Variants in ANKRD12 observed in about 807,000 individuals in gnomAD.
ANKRD12 encodes the protein ankyrin repeat domain-containing protein 12.
A neutral mutation model predicts 183.4 loss-of-function variants in ANKRD12; 85 were observed. That is an observed-to-expected ratio of 0.46 (90% CI 0.39 to 0.56). The LOEUF is 0.56. Among genes scored for constraint, ANKRD12 ranks in the 20% least tolerant of loss-of-function variants. The pLI, the probability that ANKRD12 is intolerant of heterozygous loss-of-function variation, is 0.00. For synonymous variants in ANKRD12, 914 were observed against 800.2 expected (o/e 1.14, Z -2.40); for missense variants, 2,405 against 2,357.1 (o/e 1.02, Z -0.42).
chr18:9,158,652 A>G (rs983119143), intron 1 of ANKRD12, among the ~76,000 whole-genome samples: 3 of 152,192 alleles, frequency 2.0e-5, no homozygotes, highest in Admixed American at 6.5e-5. Flanking sequence ...CTGGCTGATA[A>G]TAGTATTTGT....
At chr18:9,232,308 TC>T (rs1444954243) in intron 8 of ANKRD12, among the ~76,000 whole-genome samples, 1 of 152,240 alleles carries the variant, frequency 6.6e-6, no homozygotes, top group Non-Finnish European at 1.5e-5. Flanking sequence ...TTAAGGCAGG[TC>T]TAGTGGTGAT....
chr18:9,221,384 A>G (rs774013520), intron 7 of ANKRD12, among the ~76,000 whole-genome samples: 4 of 152,180 alleles, frequency 2.6e-5, no homozygotes, highest in African/African-American at 4.8e-5. Flanking sequence ...TTCCTGGGCT[A>G]TGGGAAATGG....
chr18:9,197,277 C>T lies in ANKRD12; in HGVS notation c.235+1579C>T, dbSNP rs144599603. 1.8e-3 allele frequency among the ~76,000 whole-genome samples: 268 copies of T among 152,048 alleles called. 1 individual carries two copies. The highest frequency in any genetic ancestry group is 3.1e-3 in the Non-Finnish European group (213 of 67,964). ...TAAAATTGGGTTATATACACTTTTC[C>T]CCCTTAGATTTTTTCTACCGTTGGA... On this transcript the variant is annotated intron_variant, in intron 3 of 12. Coordinates refer to ENST00000262126, the MANE Select transcript of ANKRD12 (RefSeq NM_015208.5).
rs1439348855 is a variant in ANKRD12, at chr18:9,255,846, T to C, written c.2579T>C (p.Leu860Pro). ...EHKSEKDKLD[L>P]SECVDKIKEK... ...AAGTCAGAAAAAGACAAATTAGATC[T>C]TAGTGAATGTGTTGATAAAATAAAA... is the stretch of plus-strand genomic sequence containing the variant. Residue 860 changes from leucine to proline, a missense_variant, in exon 9 of 13, where the codon CTT becomes CCT. Coordinates refer to ENST00000262126, the MANE Select transcript of ANKRD12 (RefSeq NM_015208.5). 4 of 1,582,156 alleles carry C rather than the reference T, an allele frequency of 2.5e-6. No homozygotes were observed. The highest frequency in any genetic ancestry group is 1.9e-5 in the Admixed American group (1 of 51,288).
At chr18:9,180,314 G>T (rs1397131751) in intron 1 of ANKRD12, among the ~76,000 whole-genome samples, 4 of 151,986 alleles carry the variant, frequency 2.6e-5, no homozygotes, top group Non-Finnish European at 5.9e-5. Context: ...ACTTCCATGG[G>T]TTCTTTTTCC....
At chr18:9,197,166 T>C (rs1271772699) in intron 3 of ANKRD12, among the ~76,000 whole-genome samples, 1 of 152,214 alleles carries the variant, frequency 6.6e-6, no homozygotes, top group East Asian at 1.9e-4. Flanking sequence ...TATTTTTCTT[T>C]TATTTAGAAT....
chr18:9,258,803 A>G lies in ANKRD12; in HGVS notation c.5536A>G (p.Ile1846Val). 4.3e-6 allele frequency: 7 copies of G among 1,613,928 alleles called. No individual in the cohort carries two copies. The highest frequency in any genetic ancestry group is 5.9e-6 in the Non-Finnish European group (7 of 1,179,844). Reference sequence around the variant, plus strand: ...TGAATACTTGCACATAAGGAAAAAAATAGAAGAAAAACGCAAATTACTGTG... The same window carrying G: ...TGAATACTTGCACATAAGGAAAAAAGTAGAAGAAAAACGCAAATTACTGTG... ...YFEYLHIRKKIEEKRKLLCSV... is the reference protein window; with the variant it reads ...YFEYLHIRKKVEEKRKLLCSV... The change falls in exon 9 of 13, where the codon ATA (isoleucine) becomes GTA (valine). Residue 1846 changes from isoleucine to valine, a missense_variant. Ile to Val is a conservative substitution (Grantham distance 29). Transcript: ENST00000262126.
At chr18:9,175,006 G>C (rs1403837401) in intron 1 of ANKRD12, among the ~76,000 whole-genome samples, 1 of 152,020 alleles carries the variant, frequency 6.6e-6, no homozygotes, top group African/African-American at 2.4e-5. Context: ...CCGGGCTGGA[G>C]TGCAGTGGTG....
Position 9,255,107 on chromosome 18 carries a change from T to C in ANKRD12, c.1840T>C (p.Leu614=). ...AAGCAAACATCAGAAAGATTTCCAC[T>C]TAGAATTTGGTGAAAAATCAAATGC... ...EKSKHQKDFH[L]EFGEKSNAKI... is the part of the protein sequence containing the mutation. The change falls in exon 9 of 13, where the codon TTA becomes CTA. Residue 614 remains leucine (L), a synonymous_variant. Transcript: ENST00000262126. The C allele has an allele frequency of 6.3e-7, 1 of 1,577,794 alleles. No homozygotes were observed.
At chr18:9,227,905 C>T (rs1053164364) in intron 8 of ANKRD12, among the ~76,000 whole-genome samples, 1 of 152,180 alleles carries the variant, frequency 6.6e-6, no homozygotes, top group East Asian at 1.9e-4. Flanking sequence ...GAACTTACTT[C>T]ATCTAACCCT....
intron 1 of ANKRD12, among the ~76,000 whole-genome samples, chr18:9,158,960 C>T (rs1568233058): frequency 6.6e-6 from 1 of 152,124 alleles, no homozygotes; most frequent in Non-Finnish European, 1.5e-5. Flanking sequence ...CAATTTTTTT[C>T]TGGCATTGTC....
intron 7 of ANKRD12, among the ~76,000 whole-genome samples, chr18:9,217,959 T>C (rs1408519517): frequency 6.6e-6 from 1 of 152,206 alleles, no homozygotes; most frequent in African/African-American, 2.4e-5. Context: ...ACTTAATCCA[T>C]CAGGCCTGAC....
chr18:9,255,451 A>C lies in ANKRD12; in HGVS notation c.2184A>C (p.Lys728Asn), dbSNP rs2038550173. 1 of 1,573,938 alleles carries C rather than the reference A, an allele frequency of 6.4e-7. No individual in the cohort carries two copies. Residue 728 changes from lysine to asparagine, a missense_variant, in exon 9 of 13, where the codon AAA becomes AAC. Coordinates refer to ENST00000262126, the MANE Select transcript of ANKRD12 (RefSeq NM_015208.5). ...TAGAAAAAAAATCAAAATTGGAAAAAAACATCAAAGATGATAAATCAACCA... is the reference window on the plus strand; with the variant it reads ...TAGAAAAAAAATCAAAATTGGAAAACAACATCAAAGATGATAAATCAACCA... ...LTLEKKSKLE[K>N]NIKDDKSTKE... is the part of the protein sequence containing the mutation.
intron 10 of ANKRD12, among the ~76,000 whole-genome samples, chr18:9,268,317 A>C (rs2039415184): frequency 6.6e-6 from 1 of 152,192 alleles, no homozygotes; most frequent in Admixed American, 6.5e-5. Flanking sequence ...CACAACAACA[A>C]AAAAAGAGAA....
At chr18:9,196,686 T>G (rs1265774767) in intron 3 of ANKRD12, among the ~76,000 whole-genome samples, 1 of 152,216 alleles carries the variant, frequency 6.6e-6, no homozygotes, top group Non-Finnish European at 1.5e-5. Flanking sequence ...CCAGGTCTCC[T>G]TTTGTGTATT....
intron 7 of ANKRD12, among the ~76,000 whole-genome samples, chr18:9,221,301 G>A (rs1226909665): frequency 6.6e-6 from 1 of 152,144 alleles, no homozygotes; most frequent in African/African-American, 2.4e-5. Flanking sequence ...ATTAGATACA[G>A]CATCCTTCTG....
At position 9,259,290 on chromosome 18, in the gene ANKRD12, T is replaced by C. The variant is rs186186558; in HGVS notation, c.5664+359T>C. On this transcript the variant is annotated intron_variant, in intron 9 of 12. Coordinates refer to ENST00000262126, the MANE Select transcript of ANKRD12 (RefSeq NM_015208.5). ...AATCAATCTGTTGACTTTATATATGTATACATTTGTTGTATAAATTTATCC... is the reference window on the plus strand; with the variant it reads ...AATCAATCTGTTGACTTTATATATGCATACATTTGTTGTATAAATTTATCC... The C allele has an allele frequency of 2.7e-3, 434 of 160,264 alleles. 1 individual carries two copies. The highest frequency in any genetic ancestry group is 0.01 in the African/African-American group (419 of 41,762). 9.9% of individuals were successfully genotyped at this position (160,264 alleles called of 1,614,324 possible). A position where few individuals can be genotyped will look rare whatever the true frequency, so the allele number is the denominator to read the frequency against.
chr18:9,273,205 G>T (rs1305120547), intron 10 of ANKRD12, among the ~76,000 whole-genome samples: 1 of 152,138 alleles, frequency 6.6e-6, no homozygotes, highest in Non-Finnish European at 1.5e-5. Context: ...AGGATGGGTT[G>T]GGATCTGCAG....
At chr18:9,161,296 G>C (rs948248497) in intron 1 of ANKRD12, among the ~76,000 whole-genome samples, 4 of 152,072 alleles carry the variant, frequency 2.6e-5, no homozygotes, top group African/African-American at 9.7e-5. Context: ...AGTTGTGAAA[G>C]ATTTGTAGAC....
Sources: gnomAD v4.1 joint callset for allele counts (sites outside exome capture counted in the v4.1 genomes callset) on GRCh38, gnomAD v4.1.1 for gene constraint, MANE v1.5 for transcripts, NCBI Gene and HGNC (gene_info 2026-07-23, HGNC 2026-07-21) for gene names.